The following EXD3 variants were observed in gnomAD, a reference collection of about 807,000 sequenced individuals.
EXD3 encodes the protein exonuclease 3'-5' domain containing 3, also known as exonuclease mut-7 homolog.
EXD3 carries 92 observed loss-of-function variants against 98.0 expected under a neutral mutation model. The observed-to-expected ratio is 0.94, with a 90% CI of 0.79 to 1.12. The LOEUF (loss-of-function observed/expected upper bound fraction) is 1.12, where lower values mean the gene tolerates loss of function less well. Ranked by LOEUF, EXD3 falls within the 50% of genes most tolerant of loss-of-function variation. The pLI, the probability that EXD3 is intolerant of heterozygous loss-of-function variation, is 0.00. For synonymous variants in EXD3, 569 were observed against 526.0 expected (o/e 1.08, Z -1.12); for missense variants, 1,222 against 1,191.6 (o/e 1.03, Z -0.38).
At chr9:137,392,528 A>T (rs1836976061) in intron 2 of EXD3, 1 of 205,152 alleles carries the variant, frequency 4.9e-6, no homozygotes, top group African/African-American at 2.3e-5. Flanking sequence ...CCAGAGCCTG[A>T]GTAGGGGAGC....
At chr9:137,381,718 C>CA (rs1836281291) in intron 3 of EXD3, among the ~76,000 whole-genome samples, 1 of 152,220 alleles carries the variant, frequency 6.6e-6, no homozygotes, top group African/African-American at 2.4e-5. Flanking sequence ...TCCTGGTCTT[C>CA]ATCTCCCTCC....
In EXD3 at chr9:137,378,908, G is replaced by A. The variant is rs1365025187; in HGVS notation, c.120+4405C>T. Among the ~76,000 whole-genome samples, 1,291 of 147,496 alleles carry A rather than the reference G, an allele frequency of 8.8e-3. 14 individuals are homozygous for A. The highest frequency in any genetic ancestry group is 0.03 in the African/African-American group (1,164 of 38,432). Reference sequence around the variant, plus strand: ...GTGACGGTGACCGTTGCCTGGGGCCGAGGGGAATGGGGCATCTGTGTGAGG... The same window carrying A: ...GTGACGGTGACCGTTGCCTGGGGCCAAGGGGAATGGGGCATCTGTGTGAGG... On this transcript the variant is annotated intron_variant, in intron 3 of 21. Coordinates refer to ENST00000340951, the MANE Select transcript of EXD3 (RefSeq NM_017820.5).
rs778899899 is a variant in EXD3, at chr9:137,373,535, A to T, written c.185T>A (p.Met62Lys). The T allele has an allele frequency of 5.6e-6, 9 of 1,604,282 alleles. No individual in the cohort carries two copies. Among genetic ancestry groups the T allele is most frequent in the Non-Finnish European group, 7.6e-6 (9 of 1,176,634 alleles). The change falls in exon 4 of 22, where the codon ATG (methionine) becomes AAG (lysine). Residue 62 changes from methionine to lysine, a missense_variant. Met to Lys is a moderately conservative substitution (Grantham distance 95). Transcript: ENST00000340951. ...LDDPLAGLLD[M>K]LESCRGQRGE... ...CCGCTGGCCCCGGCAGCTCTCCAGC[A>T]TGTCCAGAAGCCCGGCCAGGGGGTC... is the stretch of plus-strand genomic sequence containing the variant.
intron 19 of EXD3, among the ~76,000 whole-genome samples, chr9:137,312,319 G>C (rs1013034393): frequency 6.6e-6 from 1 of 152,176 alleles, no homozygotes; most frequent in Non-Finnish European, 1.5e-5. Context: ...AGGTGAATGG[G>C]GGGCAGGAAT....
At position 137,407,126 on chromosome 9, in the gene EXD3, CACGCCGA is replaced by C. The variant is rs1837756027; in HGVS notation, c.-47-11729_-47-11723del. Among the ~76,000 whole-genome samples the C allele has an allele frequency of 6.6e-6, 1 of 152,120 alleles. No homozygotes were observed. Among genetic ancestry groups the C allele is most frequent in the African/African-American group, 2.4e-5 (1 of 41,432 alleles). On this transcript the variant is annotated intron_variant, in intron 1 of 21. Coordinates refer to ENST00000340951, the MANE Select transcript of EXD3 (RefSeq NM_017820.5). The surrounding 1 kb of genome is among the most constrained non-coding windows in gnomAD (Gnocchi z 4.4). ...GCGGAGCAGCCAGTCCCGGGCACCC[CACGCCGA>C]CCGCCGCGCGTCCGGGCCGGTCTCT...
chr9:137,420,607 G>A (rs1407869004), intron 1 of EXD3, among the ~76,000 whole-genome samples: 3 of 152,164 alleles, frequency 2.0e-5, no homozygotes, highest in African/African-American at 7.2e-5. Flanking sequence ...AGCCCCTTGG[G>A]ATGACTGGAC....
rs1441976053 is a variant in EXD3 at position 137,312,385 on chromosome 9, G to A, written c.2185-2685C>T. Among the ~76,000 whole-genome samples, 3 of 152,168 alleles carry A rather than the reference G, an allele frequency of 2.0e-5. No individual in the cohort carries two copies. In the East Asian group the frequency reaches 5.8e-4, roughly 29 times the overall value. On this transcript the variant is annotated intron_variant, in intron 19 of 21. Coordinates refer to ENST00000340951, the MANE Select transcript of EXD3 (RefSeq NM_017820.5). ...GATCCCCCGTGTGCCTGGTTCCCAC[G>A]CTCCTCAGCCACTGGGTGCCAACAG... is the stretch of plus-strand genomic sequence containing the variant.
chr9:137,417,318 C>T (rs927724437), intron 1 of EXD3, among the ~76,000 whole-genome samples: 1 of 152,212 alleles, frequency 6.6e-6, no homozygotes, highest in East Asian at 1.9e-4. Context: ...GTGAGCACAG[C>T]ACACCCCGGC....
chr9:137,397,004 GA>G (rs1837247662), intron 1 of EXD3, among the ~76,000 whole-genome samples: 1 of 152,244 alleles, frequency 6.6e-6, no homozygotes, highest in Non-Finnish European at 1.5e-5. Context: ...ACACCTGCAG[GA>G]GGGGCTGCTG....
At chr9:137,331,266 T>C (rs1350957518) in intron 17 of EXD3, among the ~76,000 whole-genome samples, 1 of 152,006 alleles carries the variant, frequency 6.6e-6, no homozygotes, top group Non-Finnish European at 1.5e-5. Flanking sequence ...AAAATGATAA[T>C]AGCCATATAT....
chr9:137,340,608 GCCTCGA>G (rs1404372028), intron 17 of EXD3, among the ~76,000 whole-genome samples: 1 of 151,952 alleles, frequency 6.6e-6, no homozygotes, highest in Non-Finnish European at 1.5e-5. Flanking sequence ...TCACTGTGTA[GCCTCGA>G]CCTCATGGGT....
intron 17 of EXD3, among the ~76,000 whole-genome samples, chr9:137,330,601 GGACTACAC>G (rs1564482340): frequency 7.1e-6 from 1 of 141,648 alleles, no homozygotes; most frequent in African/African-American, 2.6e-5. Context: ...GGACTACACA[GGACTACAC>G]AGGACTACAC....
chr9:137,307,130 C>T lies in EXD3; in HGVS notation c.2451G>A (p.Pro817=), dbSNP rs371442328. 38 of 1,601,688 alleles carry T rather than the reference C, an allele frequency of 2.4e-5. No individual in the cohort carries two copies. In the East Asian group the frequency reaches 2.7e-4, roughly 11 times the overall value. Residue 817 remains proline (P), a synonymous_variant, in exon 22 of 22, where the codon CCG becomes CCA. Coordinates refer to ENST00000340951, the MANE Select transcript of EXD3 (RefSeq NM_017820.5). ...GCCCAGGTGTCCTCAGCACACCCAC[C>T]GGGACCCCTGCCAGCTGCAGCCGGG... ...DGTRLQLAGV[P]VGVLRTPGLR...
chr9:137,321,658 G>A (rs941139543), intron 19 of EXD3, among the ~76,000 whole-genome samples: 1 of 152,164 alleles, frequency 6.6e-6, no homozygotes, highest in Non-Finnish European at 1.5e-5. Context: ...ACTCCAGCCT[G>A]GGCGATGGAG....
At chr9:137,398,627 G>A (rs141030549) in intron 1 of EXD3, among the ~76,000 whole-genome samples, 2,054 of 149,032 alleles carry the variant, frequency 0.014, 37 homozygotes, top group African/African-American at 0.038. Context: ...GCGTCCCCAA[G>A]ACACACAGGC....
intron 21 of EXD3, 127 bp from the exon 22 acceptor site, chr9:137,307,390 G>A: frequency 2.9e-6 from 4 of 1,375,000 alleles, no homozygotes; most frequent in Non-Finnish European, 3.8e-6. Flanking sequence ...TCCTCTTTCT[G>A]CTCCCTATCC....
intron 3 of EXD3, among the ~76,000 whole-genome samples, chr9:137,381,778 C>T (rs1470442735): frequency 6.6e-6 from 1 of 152,234 alleles, no homozygotes; most frequent in East Asian, 1.9e-4. Context: ...CCCAAGACCT[C>T]CATGTGCAGC....
At chr9:137,363,793 A>G (rs1200022503) in intron 7 of EXD3, among the ~76,000 whole-genome samples, 1 of 152,132 alleles carries the variant, frequency 6.6e-6, no homozygotes, top group African/African-American at 2.4e-5. Context: ...TGCTAGTGTC[A>G]GTTTTGGTAA....
chr9:137,381,852 C>T (rs1359906277), intron 3 of EXD3, among the ~76,000 whole-genome samples: 1 of 152,222 alleles, frequency 6.6e-6, no homozygotes. Context: ...TTCAAGGCTC[C>T]TGGCCCACCC....
Sources: allele counts gnomAD v4.1 joint callset (sites outside exome capture counted in the v4.1 genomes callset), GRCh38; gene constraint gnomAD v4.1.1; non-coding constraint Gnocchi (gnomAD v3.1); transcripts MANE v1.5; gene names NCBI Gene and HGNC (gene_info 2026-07-23, HGNC 2026-07-21).